The following FNDC3A variants were observed in gnomAD, a reference collection of about 807,000 sequenced individuals.
FNDC3A encodes the protein fibronectin type III domain containing 3A.
In FNDC3A, 32 loss-of-function variants were observed where a neutral mutation model predicts 148.9. That is an observed-to-expected ratio of 0.21 (90% CI 0.16 to 0.29). FNDC3A has a LOEUF of 0.29. FNDC3A is among the 10% of genes least tolerant of loss of function. The probability of loss-of-function intolerance (pLI) is 1.00; values close to 1 mark genes in which losing one functional copy is unlikely to be tolerated. For missense variants in FNDC3A, 1,191 were observed against 1,452.8 expected, an observed-to-expected ratio of 0.82 and a Z score of 2.93; for synonymous variants, 472 against 473.6, an observed-to-expected ratio of 1.00 and a Z score of 0.04.
Position 49,198,579 on chromosome 13 carries a change from G to GT in FNDC3A, c.2987+12dup, listed in dbSNP as rs764054692. The stretch of plus-strand genomic sequence containing the variant: ...GATGGAGGATAAGAATGGACGGTAG[G>GT]TTTTTTTAATTGCTTCTTTATATAG... On this transcript the variant is annotated splice_donor_region_variant and intron_variant, in intron 23 of 25. Transcript: ENST00000492622. The GT allele has an allele frequency of 9.4e-4, 1,509 of 1,604,712 alleles. 3 individuals are homozygous for GT. The highest frequency in any genetic ancestry group is 1.0e-3 in the Non-Finnish European group (1,170 of 1,171,800).
intron 5 of FNDC3A, among the ~76,000 whole-genome samples, chr13:49,131,942 C>T (rs775320768): frequency 3.3e-5 from 5 of 152,222 alleles, no homozygotes; most frequent in Non-Finnish European, 5.9e-5. Flanking sequence ...TTCTCGATAA[C>T]TTCACATGGA....
intron 1 of FNDC3A, among the ~76,000 whole-genome samples, chr13:48,998,349 C>G (rs1453386010): frequency 6.6e-6 from 1 of 152,148 alleles, no homozygotes; most frequent in Non-Finnish European, 1.5e-5. Context: ...ACTTTCTGAG[C>G]TTTGGCATGA....
At chr13:49,106,763 T>A (rs1593596994) in intron 3 of FNDC3A, among the ~76,000 whole-genome samples, 2 of 74,886 alleles carry the variant, frequency 2.7e-5, no homozygotes, top group Non-Finnish European at 4.8e-5. Flanking sequence ...GTTTGTTAAG[T>A]GAATGAAAGC....
chr13:49,197,956 A>T (rs745912459), intron 21 of FNDC3A, 26 bp from the exon 22 acceptor site: 1 of 1,598,892 alleles, frequency 6.3e-7, no homozygotes, highest in Non-Finnish European at 8.5e-7. Context: ...TGACTTTGTT[A>T]ACTCGGAGGC....
intron 3 of FNDC3A, among the ~76,000 whole-genome samples, chr13:49,111,850 C>T (rs941498572): frequency 6.6e-6 from 1 of 151,878 alleles, no homozygotes; most frequent in African/African-American, 2.4e-5. Context: ...TCCTGGACTA[C>T]ATCTAGTAAT....
chr13:49,174,556 C>G lies in FNDC3A; in HGVS notation c.1352C>G (p.Thr451Arg). ...FRLSARNDYG[T>R]SGFSEEVLYY... is the part of the protein sequence containing the mutation. ...CTATCGGCCAGAAATGACTATGGTA[C>G]AAGGTAAGGTGTACTTTATAAAAGA... The change falls in exon 12 of 26, where the codon ACA (threonine) becomes AGA (arginine). Residue 451 changes from threonine (T) to arginine (R), a missense_variant. Around this residue, in one of 3 missense-constraint regions of FNDC3A, gnomAD observed 751 missense variants for 944.0 expected, o/e 0.80. Transcript: ENST00000492622. The G allele has an allele frequency of 6.2e-7, 1 of 1,609,366 alleles. No individual in the cohort carries two copies. The highest frequency in any genetic ancestry group is 8.5e-7 in the Non-Finnish European group (1 of 1,177,004).
intron 2 of FNDC3A, among the ~76,000 whole-genome samples, chr13:49,019,022 A>G (rs566004546): frequency 1.3e-5 from 2 of 152,316 alleles, no homozygotes; most frequent in African/African-American, 4.8e-5. Flanking sequence ...AGACAGGGAC[A>G]TTTAAGTCTG....
At chr13:48,998,447 A>G (rs888600077) in intron 1 of FNDC3A, among the ~76,000 whole-genome samples, 1 of 152,198 alleles carries the variant, frequency 6.6e-6, no homozygotes, top group Non-Finnish European at 1.5e-5. Context: ...TTAAAATACT[A>G]TGTAAAATTA....
At chr13:49,091,143 C>T (rs898254265) in intron 3 of FNDC3A, among the ~76,000 whole-genome samples, 2 of 151,918 alleles carry the variant, frequency 1.3e-5, no homozygotes, top group Non-Finnish European at 2.9e-5. Context: ...TAACAAAAAA[C>T]AGCCAACTCT....
intron 16 of FNDC3A, chr13:49,187,737 A>C: frequency 2.8e-6 from 3 of 1,083,312 alleles, no homozygotes; most frequent in Non-Finnish European, 4.1e-6. Flanking sequence ...CACCTCACCA[A>C]GACCTTTTTT....
intron 13 of FNDC3A, among the ~76,000 whole-genome samples, chr13:49,175,756 G>A (rs1038667618): frequency 2.0e-5 from 3 of 152,136 alleles, no homozygotes; most frequent in Non-Finnish European, 4.4e-5. Flanking sequence ...AATAGGAGAC[G>A]AGGGCATCCT....
chr13:49,179,695 A>T (rs1403790566), intron 14 of FNDC3A, among the ~76,000 whole-genome samples: 1 of 152,146 alleles, frequency 6.6e-6, no homozygotes, highest in Non-Finnish European at 1.5e-5. Context: ...TACTTTGATT[A>T]TTGTGAGGCT....
chr13:49,132,474 G>C (rs1248257702), intron 5 of FNDC3A, among the ~76,000 whole-genome samples: 2 of 152,142 alleles, frequency 1.3e-5, no homozygotes, highest in Non-Finnish European at 2.9e-5. Context: ...ATGTTTAAAG[G>C]CATCCCTGGC....
chr13:49,102,495 T>G (rs2137841860), intron 3 of FNDC3A, among the ~76,000 whole-genome samples: 1 of 152,310 alleles, frequency 6.6e-6, no homozygotes, highest in South Asian at 2.1e-4. Context: ...CGATATTGAC[T>G]CCTACCTTCA....
chr13:48,995,665 A>G (rs1255280510), intron 1 of FNDC3A, among the ~76,000 whole-genome samples: 1 of 152,224 alleles, frequency 6.6e-6, no homozygotes, highest in African/African-American at 2.4e-5. Context: ...GTGAACTGAA[A>G]TAATGCATGT....
At chr13:49,061,278 T>C (rs1876671291) in intron 2 of FNDC3A, among the ~76,000 whole-genome samples, 1 of 150,082 alleles carries the variant, frequency 6.7e-6, no homozygotes, top group South Asian at 2.1e-4. Context: ...CTTGGCTTTT[T>C]CTTTTCTTTC....
At chr13:49,016,412 T>C (rs1872782485) in intron 2 of FNDC3A, among the ~76,000 whole-genome samples, 1 of 152,240 alleles carries the variant, frequency 6.6e-6, no homozygotes, top group African/African-American at 2.4e-5. Context: ...TAGTATTCTC[T>C]GATGGTAGTT....
chr13:49,116,592 C>T (rs1318221320), intron 4 of FNDC3A, among the ~76,000 whole-genome samples: 3 of 152,074 alleles, frequency 2.0e-5, no homozygotes, highest in East Asian at 3.9e-4. Flanking sequence ...GTCAGGAGTT[C>T]GAGACCAGCC....
At chr13:49,052,238 T>TG (rs1185236962) in intron 2 of FNDC3A, among the ~76,000 whole-genome samples, 2 of 152,182 alleles carry the variant, frequency 1.3e-5, no homozygotes, top group Non-Finnish European at 2.9e-5. Flanking sequence ...TATGATCTTT[T>TG]GGGGATGTTA....
Sources: allele counts gnomAD v4.1 joint callset (sites outside exome capture counted in the v4.1 genomes callset), GRCh38; gene constraint gnomAD v4.1.1; regional missense constraint gnomAD v4.1.1; transcripts MANE v1.5; gene names NCBI Gene and HGNC (gene_info 2026-07-23, HGNC 2026-07-21).